Variants in ADAMTS18 observed in about 807,000 individuals in gnomAD.
The protein encoded by ADAMTS18 is A disintegrin and metalloproteinase with thrombospondin motifs 18.
In ADAMTS18, 157 loss-of-function variants were observed where a neutral mutation model predicts 165.9. The ratio of observed to expected loss-of-function variants is 0.95; its 90% confidence interval spans 0.83 to 1.08. The LOEUF is 1.08. Among genes scored for constraint, ADAMTS18 ranks in the 50% least tolerant of loss-of-function variants. The pLI is 0.00. For missense variants in ADAMTS18, 2,040 were observed against 1,534.0 expected, an observed-to-expected ratio of 1.33 and a Z score of -5.51; for synonymous variants, 782 against 578.2, an observed-to-expected ratio of 1.35 and a Z score of -5.06.
intron 11 of ADAMTS18, among the ~76,000 whole-genome samples, chr16:77,340,240 T>A (rs2056378018): frequency 6.6e-6 from 1 of 152,208 alleles, no homozygotes; most frequent in Non-Finnish European, 1.5e-5. Flanking sequence ...AGTGGCACAA[T>A]CTCCACTTCC....
rs2055199460 is a variant in ADAMTS18 at position 77,284,033 on chromosome 16, G to T, written c.3589C>A (p.Leu1197Ile). 6.2e-7 allele frequency: 1 copy of T among 1,613,740 alleles called. No homozygotes were observed. Among genetic ancestry groups the T allele is most frequent in the African/African-American group, 1.3e-5 (1 of 74,870 alleles). Residue 1197 changes from leucine to isoleucine, a missense_variant, in exon 23 of 23, where the codon CTA becomes ATA. Physicochemically the swap from Leu to Ile is conservative, Grantham distance 5. Transcript: ENST00000282849. ...TTGCAGACACCATGCTGAGGAACTA[G>T]GTGACACCAGTTGAAGAAATCTACG... is the stretch of plus-strand genomic sequence containing the variant. ...SCVDFFNWCHLVPQHGVCNHK... is the reference protein window; with the variant it reads ...SCVDFFNWCHIVPQHGVCNHK...
intron 3 of ADAMTS18, among the ~76,000 whole-genome samples, chr16:77,400,311 CAG>C (rs1007860155): frequency 6.6e-6 from 1 of 152,054 alleles, no homozygotes; most frequent in African/African-American, 2.4e-5. Flanking sequence ...TCTTCTATCC[CAG>C]AGTCTACTTA....
intron 7 of ADAMTS18, among the ~76,000 whole-genome samples, chr16:77,360,944 G>C (rs1417281256): frequency 6.6e-6 from 1 of 152,054 alleles, no homozygotes; most frequent in Admixed American, 6.6e-5. Flanking sequence ...AAATTAGCCA[G>C]GTGTGGTGGT....
At chr16:77,422,631 GGAAGAAAGGAAA>G (rs1214949053) in intron 3 of ADAMTS18, among the ~76,000 whole-genome samples, 1 of 151,242 alleles carries the variant, frequency 6.6e-6, no homozygotes, top group East Asian at 1.9e-4. Context: ...GAGGAAGAAG[GGAAGAAAGGAAA>G]GAAGAAAGGA....
rs34486248 is a variant in ADAMTS18, at chr16:77,420,002, TAAAAAAAAA to T, written c.495+11284_495+11292del. On this transcript the variant is annotated intron_variant, in intron 3 of 22. Transcript: ENST00000282849. ...AACAGTGTGAGACTCTGTCGCAGAT[TAAAAAAAAA>T]AAAAAAAAAAAAGACATCGACCTCC... Among the ~76,000 whole-genome samples, 5 of 91,270 alleles carry T rather than the reference TAAAAAAAAA, an allele frequency of 5.5e-5. No individual in the cohort carries two copies. In the East Asian group the frequency reaches 1.4e-3, roughly 26 times the overall value. 59.9% of individuals were successfully genotyped at this position (91,270 alleles called of 152,430 possible).
Position 77,355,962 on chromosome 16 carries a change from G to A in ADAMTS18, c.1438C>T (p.Gln480Ter). 1 of 1,614,070 alleles carries A rather than the reference G, an allele frequency of 6.2e-7. No individual in the cohort carries two copies. Among genetic ancestry groups the A allele is most frequent in the Non-Finnish European group, 8.5e-7 (1 of 1,179,970 alleles). Residue 480 changes from glutamine (Q) to a stop codon, truncating the protein, a stop_gained, in exon 9 of 23, where the codon CAG becomes TAG. Coordinates refer to ENST00000282849, the MANE Select transcript of ADAMTS18 (RefSeq NM_199355.4). LOFTEE classifies it high-confidence loss of function. ...TACCTGAGGAATTTCTTGAGATACT[G>A]GCGGCTGCAGGAAGACCATGAAAAC... is the stretch of plus-strand genomic sequence containing the variant. ...GVFSWSSCSRQYLKKFLSTPQ... is the reference protein window; with the variant it reads ...GVFSWSSCSR
intron 3 of ADAMTS18, among the ~76,000 whole-genome samples, chr16:77,384,232 A>T (rs1050596356): frequency 6.6e-6 from 1 of 152,202 alleles, no homozygotes; most frequent in East Asian, 1.9e-4. Context: ...AAACTCCTCT[A>T]CTTCTGGAGC....
intron 22 of ADAMTS18, 107 bp from the exon 23 acceptor site, chr16:77,284,178 T>G: frequency 1.4e-6 from 1 of 728,598 alleles, no homozygotes; most frequent in Non-Finnish European, 2.4e-6. Context: ...TGGAGTGCAG[T>G]GGTGTGGTGT....
intron 3 of ADAMTS18, among the ~76,000 whole-genome samples, chr16:77,397,884 G>A (rs1205294297): frequency 6.6e-6 from 1 of 152,156 alleles, no homozygotes; most frequent in Non-Finnish European, 1.5e-5. Flanking sequence ...GTCCCTGTCT[G>A]CCACAGGGTC....
chr16:77,419,032 C>T (rs1023859808), intron 3 of ADAMTS18, among the ~76,000 whole-genome samples: 1 of 152,052 alleles, frequency 6.6e-6, no homozygotes, highest in African/African-American at 2.4e-5. Context: ...GCCTGTAATC[C>T]CAGCTACTCA....
intron 3 of ADAMTS18, among the ~76,000 whole-genome samples, chr16:77,387,865 C>T (rs916843059): frequency 3.9e-5 from 6 of 152,176 alleles, no homozygotes; most frequent in African/African-American, 9.6e-5. Context: ...CTCCTGCCCC[C>T]ATTTGGGTGC....
chr16:77,413,845 T>G (rs1597245463), intron 3 of ADAMTS18, among the ~76,000 whole-genome samples: 1 of 146,986 alleles, frequency 6.8e-6, no homozygotes, highest in African/African-American at 2.5e-5. Context: ...AACTAGCAAG[T>G]TTTAACCAAA....
chr16:77,289,668 C>T (rs893969202), intron 21 of ADAMTS18, among the ~76,000 whole-genome samples: 1 of 152,126 alleles, frequency 6.6e-6, no homozygotes, highest in Non-Finnish European at 1.5e-5. Flanking sequence ...GTGACTCACT[C>T]ATAAAGAAGA....
At chr16:77,294,011 T>A (rs1453875930) in intron 19 of ADAMTS18, among the ~76,000 whole-genome samples, 3 of 151,972 alleles carry the variant, frequency 2.0e-5, no homozygotes, top group East Asian at 3.9e-4. Flanking sequence ...CCTCTGGTAG[T>A]GTATTGCTGA....
intron 3 of ADAMTS18, among the ~76,000 whole-genome samples, chr16:77,380,040 G>A (rs1048988209): frequency 6.6e-6 from 1 of 152,194 alleles, no homozygotes; most frequent in African/African-American, 2.4e-5. Flanking sequence ...GGTTCCAAAA[G>A]TCTTGCTGCC....
chr16:77,427,196 T>G (rs1271125867), intron 3 of ADAMTS18, among the ~76,000 whole-genome samples: 1 of 152,162 alleles, frequency 6.6e-6, no homozygotes, highest in African/African-American at 2.4e-5. Flanking sequence ...AATTCACATT[T>G]TCAGCCCTTC....
At chr16:77,321,247 G>A (rs775065895) in intron 14 of ADAMTS18, 45 bp from the exon 15 acceptor site, 2 of 1,612,290 alleles carry the variant, frequency 1.2e-6, no homozygotes, top group African/African-American at 2.7e-5. Flanking sequence ...GATCAGAGAA[G>A]CCAGAGGCTG....
At chr16:77,408,002 A>G (rs190632575) in intron 3 of ADAMTS18, among the ~76,000 whole-genome samples, 10 of 152,266 alleles carry the variant, frequency 6.6e-5, no homozygotes, top group Admixed American at 5.9e-4. Flanking sequence ...AGAAAATACT[A>G]TTATCCAAAG....
intron 12 of ADAMTS18, among the ~76,000 whole-genome samples, chr16:77,333,652 A>T (rs189376625): frequency 0.011 from 1,631 of 151,686 alleles, 30 homozygotes; most frequent in African/African-American, 0.037. Flanking sequence ...CCCATGTTCA[A>T]TTCAGCATTA....
Sources: gnomAD v4.1 joint callset for allele counts (sites outside exome capture counted in the v4.1 genomes callset) on GRCh38, gnomAD v4.1.1 for gene constraint, MANE v1.5 for transcripts, NCBI Gene and HGNC (gene_info 2026-07-23, HGNC 2026-07-21) for gene names.